The following PCDH15 variants were observed in gnomAD, a reference collection of about 807,000 sequenced individuals.
PCDH15 encodes the protein protocadherin related 15, also known as protocadherin-15.
A neutral mutation model predicts 178.5 loss-of-function variants in PCDH15; 129 were observed. The observed-to-expected ratio is 0.72, with a 90% CI of 0.63 to 0.84. The LOEUF (loss-of-function observed/expected upper bound fraction) is 0.84. Among genes scored for constraint, PCDH15 ranks in the 40% least tolerant of loss-of-function variants. The probability of loss-of-function intolerance (pLI) is 0.00; values close to 1 mark genes in which losing one functional copy is unlikely to be tolerated. For synonymous variants in PCDH15, 800 were observed against 732.0 expected (o/e 1.09, Z -1.50); for missense variants, 2,230 against 2,099.9 (o/e 1.06, Z -1.21).
intron 2 of PCDH15, among the ~76,000 whole-genome samples, chr10:54,529,671 C>T (rs1233536877): frequency 6.6e-6 from 1 of 151,908 alleles, no homozygotes; most frequent in Non-Finnish European, 1.5e-5. Flanking sequence ...CCTTTTTTTG[C>T]CTAGCAAATC....
intron 2 of PCDH15, chr10:54,606,120 C>T (rs865883185): frequency 2.0e-5 from 3 of 152,274 alleles, no homozygotes; most frequent in Admixed American, 6.5e-5. Flanking sequence ...AGCTAGAAAA[C>T]TTAGAATGCT....
chr10:54,830,492 C>A lies in PCDH15; in HGVS notation c.-29+66958G>T, dbSNP rs541938541. 1.1e-4 allele frequency among the ~76,000 whole-genome samples: 16 copies of A among 151,894 alleles called. No homozygotes were observed. The South Asian group carries it at 2.5e-3, about 24-fold the overall frequency. On this transcript the variant is annotated intron_variant, in intron 3 of 5. Coordinates refer to the PCDH15 transcript ENST00000458638. Reference sequence around the variant, plus strand: ...AGCAAACTATCGCAAGGACAAAAAACCAAACACCGCATGTTCTCACTCATA... The same window carrying A: ...AGCAAACTATCGCAAGGACAAAAAAACAAACACCGCATGTTCTCACTCATA...
intron 1 of PCDH15, among the ~76,000 whole-genome samples, chr10:54,712,577 T>C (rs2095437449): frequency 1.3e-5 from 2 of 151,956 alleles, no homozygotes; most frequent in South Asian, 4.1e-4. Flanking sequence ...AATGGAATTA[T>C]AGGTTGATGG....
chr10:54,837,821 C>T (rs921350153), intron 3 of PCDH15, among the ~76,000 whole-genome samples: 41 of 152,192 alleles, frequency 2.7e-4, no homozygotes, highest in Non-Finnish European at 6.0e-4. Flanking sequence ...AGGAGGGTCA[C>T]TTTGAGAAAG....
At chr10:55,499,975 A>T (rs1589085085) in intron 2 of PCDH15, among the ~76,000 whole-genome samples, 5 of 151,862 alleles carry the variant, frequency 3.3e-5, no homozygotes, top group African/African-American at 1.2e-4. Context: ...AAATTATGAG[A>T]TACTTGCTTT....
intron 1 of PCDH15, among the ~76,000 whole-genome samples, chr10:54,736,162 C>G (rs995243799): frequency 2.6e-5 from 4 of 152,016 alleles, no homozygotes; most frequent in African/African-American, 9.7e-5. Context: ...GAATCTAACT[C>G]TGTAGCATGT....
chr10:53,970,802 C>G (rs1028031205), intron 21 of PCDH15, among the ~76,000 whole-genome samples: 1 of 151,954 alleles, frequency 6.6e-6, no homozygotes, highest in Non-Finnish European at 1.5e-5. Flanking sequence ...AATTAATAGC[C>G]TACCAACCAA....
intron 1 of PCDH15, among the ~76,000 whole-genome samples, chr10:54,748,453 T>G (rs76495759): frequency 0.012 from 1,816 of 152,236 alleles, 30 homozygotes; most frequent in African/African-American, 0.042. Flanking sequence ...TAAAGAGTAT[T>G]TAACAAGAAT....
In PCDH15 at chr10:54,679,164, T is replaced by C. The variant is rs945222879; in HGVS notation, c.-28-14874A>G. Among the ~76,000 whole-genome samples, 4 of 123,254 alleles carry C rather than the reference T, an allele frequency of 3.2e-5. No individual in the cohort carries two copies. The Admixed American group carries it at 3.4e-4, about 10-fold the overall frequency. 80.9% of individuals were successfully genotyped at this position (123,254 alleles called of 152,430 possible). A position where few individuals can be genotyped will look rare whatever the true frequency, so the allele number is the denominator to read the frequency against. On this transcript the variant is annotated intron_variant, in intron 1 of 37. Coordinates refer to ENST00000644397, the MANE Select transcript of PCDH15 (RefSeq NM_001384140.1). ...GAGATTGCGCCACCGCACTCCAACC[T>C]GGGAGACACAGCGAGACTCCGTCTC...
chr10:54,872,415 C>A (rs1416298135), intron 3 of PCDH15, among the ~76,000 whole-genome samples: 1 of 151,726 alleles, frequency 6.6e-6, no homozygotes, highest in Non-Finnish European at 1.5e-5. Flanking sequence ...GTACTTTAAG[C>A]CAATATATAT....
At chr10:55,619,022 C>T (rs1011708665) in intron 2 of PCDH15, among the ~76,000 whole-genome samples, 5 of 151,964 alleles carry the variant, frequency 3.3e-5, no homozygotes, top group African/African-American at 9.7e-5. Flanking sequence ...ATAACAAAAG[C>T]GTGATCGTAA....
intron 11 of PCDH15, 27 bp downstream of exon 11, chr10:54,195,656 C>T (rs1186680599): frequency 6.3e-7 from 1 of 1,583,660 alleles, no homozygotes; most frequent in Non-Finnish European, 8.7e-7. Context: ...GTTACACAAA[C>T]AAGAGCAAAA....
intron 2 of PCDH15, among the ~76,000 whole-genome samples, chr10:55,523,979 A>T (rs2132168311): frequency 6.6e-6 from 1 of 151,696 alleles, no homozygotes; most frequent in Middle Eastern, 3.4e-3. Flanking sequence ...CTACAGTCTC[A>T]GGCCAACATA....
intron 1 of PCDH15, among the ~76,000 whole-genome samples, chr10:55,280,320 C>T (rs998918411): frequency 7.0e-6 from 1 of 142,906 alleles, no homozygotes; most frequent in African/African-American, 2.7e-5. Flanking sequence ...CTCTGTGACC[C>T]AGGCTGGAGT....
intron 18 of PCDH15, among the ~76,000 whole-genome samples, chr10:54,051,260 C>T (rs1266578985): frequency 6.6e-6 from 1 of 152,118 alleles, no homozygotes; most frequent in Non-Finnish European, 1.5e-5. Context: ...GAGGCTGGAA[C>T]AGTTTGGGGG....
intron 2 of PCDH15, among the ~76,000 whole-genome samples, chr10:54,909,296 T>C (rs993654908): frequency 6.6e-6 from 1 of 152,120 alleles, no homozygotes. Flanking sequence ...GATAGCCTCC[T>C]GCCTCTGTTC....
At chr10:55,479,339 A>G (rs1029151319) in intron 2 of PCDH15, among the ~76,000 whole-genome samples, 6 of 151,774 alleles carry the variant, frequency 4.0e-5, no homozygotes, top group African/African-American at 1.4e-4. Context: ...GATTCAACAT[A>G]TGCAAATCAA....
chr10:53,859,969 C>G (rs1456434721), intron 27 of PCDH15, among the ~76,000 whole-genome samples: 1 of 152,118 alleles, frequency 6.6e-6, no homozygotes, highest in African/African-American at 2.4e-5. Flanking sequence ...ATTATATATA[C>G]CCAACAGGAT....
chr10:54,996,402 G>A (rs967064607), intron 2 of PCDH15, among the ~76,000 whole-genome samples: 3 of 152,186 alleles, frequency 2.0e-5, no homozygotes, highest in African/African-American at 7.2e-5. Context: ...CCAATTCAGA[G>A]AGGAAAACAC....
Sources: allele counts gnomAD v4.1 joint callset (sites outside exome capture counted in the v4.1 genomes callset), GRCh38; gene constraint gnomAD v4.1.1; transcripts MANE v1.5; gene names NCBI Gene and HGNC (gene_info 2026-07-23, HGNC 2026-07-21).